TPRN: variants seen among roughly 807,000 people sequenced by gnomAD.
TPRN encodes the protein chromosome 9 open reading frame 75.
TPRN carries 32 observed loss-of-function variants against 42.6 expected under a neutral mutation model. That is an observed-to-expected ratio of 0.75 (90% confidence interval 0.57 to 1.01). TPRN has a LOEUF of 1.01. TPRN is among the 50% of genes least tolerant of loss of function. The pLI, the probability that TPRN is intolerant of heterozygous loss-of-function variation, is 0.00. For synonymous variants in TPRN, 541 were observed against 445.6 expected (o/e 1.21, Z -2.70); for missense variants, 1,095 against 957.5 (o/e 1.14, Z -1.90).
intron 1 of TPRN, among the ~76,000 whole-genome samples, chr9:137,197,766 T>C (rs905017212): frequency 6.6e-6 from 1 of 152,096 alleles, no homozygotes; most frequent in Non-Finnish European, 1.5e-5. Context: ...GCTGGGGTGA[T>C]GCTCGGGCGA....
Position 137,199,906 on chromosome 9 carries a change from C to T in TPRN, c.806G>A (p.Ser269Asn), listed in dbSNP as rs1178786931. 2 of 1,273,428 alleles carry T rather than the reference C, an allele frequency of 1.6e-6. No individual in the cohort carries two copies. The allele number at this position is 1,273,428 out of a possible 1,614,324, so 78.9% of individuals were successfully genotyped here. ...LHPPPSPGTP[S>N]ATPASPPASA... ...GGCAGGGGGTGAGGCTGGAGTGGCA[C>T]TCGGGGTCCCGGGGCTGGGGGGCGG... Residue 269 changes from serine to asparagine, a missense_variant, in exon 1 of 4, where the codon AGT (serine) becomes AAT (asparagine). Physicochemically the swap from Ser to Asn is conservative, Grantham distance 46 (BLOSUM62 1). Transcript: ENST00000409012.
chr9:137,198,294 C>T (rs1339836386), intron 1 of TPRN, among the ~76,000 whole-genome samples: 17 of 152,170 alleles, frequency 1.1e-4, no homozygotes, highest in Admixed American at 9.8e-4. Flanking sequence ...ATTTTTTTTC[C>T]TGTGCCCAGA....
rs1161347152 is a variant in TPRN, at chr9:137,192,282, C to G, written c.2050G>C (p.Glu684Gln). Residue 684 changes from glutamate (E) to glutamine (Q), a missense_variant, in exon 3 of 4, where the codon GAG becomes CAG. Physicochemically the swap from Glu to Gln is conservative, Grantham distance 29. Transcript: ENST00000409012. ...ACCATGGCCTCCACGGGCGGGGGCT[C>G]TGCCTCCCTCGGGGCCTGCTCCAGC... ...QALEQAPREA[E>Q]PPPVEAMLTP... 9 of 1,613,048 alleles carry G rather than the reference C, an allele frequency of 5.6e-6. No homozygotes were observed. The highest frequency in any genetic ancestry group is 7.6e-6 in the Non-Finnish European group (9 of 1,180,020).
Position 137,200,139 on chromosome 9 carries a change from G to A in TPRN, c.573C>T (p.Ala191=). The A allele has an allele frequency of 2.4e-6, 3 of 1,225,018 alleles. No homozygotes were observed. Among genetic ancestry groups the A allele is most frequent in the Non-Finnish European group, 3.0e-6 (3 of 984,478 alleles). The allele number at this position is 1,225,018 out of a possible 1,614,324, so 75.9% of individuals were successfully genotyped here. A position where few individuals can be genotyped will look rare whatever the true frequency, so the allele number is the denominator to read the frequency against. Residue 191 remains alanine (A), a synonymous_variant, in exon 1 of 4, where the codon GCC becomes GCT. Transcript: ENST00000409012. The surrounding 1 kb of genome is among the most constrained non-coding windows in gnomAD (Gnocchi z 4.3). The part of the protein sequence containing the change: ...GPRGGGASPG[A]RRSDFLQKTG... ...TCTTCTGGAGGAAGTCGCTGCGCCG[G>A]GCCCCGGGGCTCGCCCCGCCACCGC...
In TPRN at chr9:137,199,066, A is replaced by G. The variant is rs1174419704; in HGVS notation, c.1646T>C (p.Val549Ala). 12 of 1,613,288 alleles carry G rather than the reference A, an allele frequency of 7.4e-6. No homozygotes were observed. Among genetic ancestry groups the G allele is most frequent in the Non-Finnish European group, 1.0e-5 (12 of 1,179,996 alleles). The change falls in exon 1 of 4, where the codon GTG becomes GCG. Residue 549 changes from valine to alanine, a missense_variant. By Grantham distance (64) the Val-to-Ala change is moderately conservative. Coordinates refer to ENST00000409012, the MANE Select transcript of TPRN (RefSeq NM_001128228.3). The part of the protein sequence containing the change: ...GPTLKKRYPT[V>A]HEIEVIGGYL... ...GCCGCCAATCACCTCGATCTCATGC[A>G]CGGTGGGGTAGCGCTTCTTCAACGT...
chr9:137,196,130 C>T (rs1834700980), intron 1 of TPRN, among the ~76,000 whole-genome samples: 1 of 152,230 alleles, frequency 6.6e-6, no homozygotes, highest in Non-Finnish European at 1.5e-5. Context: ...CAGACAACTC[C>T]ACTGAAGAGC....
chr9:137,200,565 C>T lies in TPRN; in HGVS notation c.147G>A (p.Leu49=). Residue 49 remains leucine (L), a synonymous_variant, in exon 1 of 4, where the codon CTG becomes CTA. Coordinates refer to ENST00000409012, the MANE Select transcript of TPRN (RefSeq NM_001128228.3). The surrounding 1 kb of genome is among the most constrained non-coding windows in gnomAD (Gnocchi z 4.3). ...CGCGCAGCGGGCCCAGGCTCTCGGC[C>T]AGCACCCGCTGCTCGGGCTCCGCCG... ...PGAAEPEQRV[L]AESLGPLREN... 1 of 1,151,572 alleles carries T rather than the reference C, an allele frequency of 8.7e-7. No homozygotes were observed. Among genetic ancestry groups the T allele is most frequent in the Non-Finnish European group, 1.1e-6 (1 of 939,778 alleles). The allele number at this position is 1,151,572 out of a possible 1,614,324, so 71.3% of individuals were successfully genotyped here. A position where few individuals can be genotyped will look rare whatever the true frequency, so the allele number is the denominator to read the frequency against.
Position 137,196,385 on chromosome 9 carries a change from G to A in TPRN, c.1725+2602C>T, listed in dbSNP as rs535541734. ...GCGGATCATCTGAGGTCAGGAGTTC[G>A]AGACCAACCTGGCCAATATGGTAAA... is the stretch of plus-strand genomic sequence containing the variant. On this transcript the variant is annotated intron_variant, in intron 1 of 3. Coordinates refer to ENST00000409012, the MANE Select transcript of TPRN (RefSeq NM_001128228.3). Among the ~76,000 whole-genome samples the A allele has an allele frequency of 2.4e-3, 361 of 152,308 alleles. 2 individuals carry two copies. Among genetic ancestry groups the A allele is most frequent in the African/African-American group, 7.1e-3 (295 of 41,568 alleles).
chr9:137,200,626 T>C lies in TPRN; in HGVS notation c.86A>G (p.Lys29Arg), dbSNP rs1254933844. 4.2e-6 allele frequency: 5 copies of C among 1,184,084 alleles called. No individual in the cohort carries two copies. The highest frequency in any genetic ancestry group is 4.2e-6 in the Non-Finnish European group (4 of 956,492). The allele number at this position is 1,184,084 out of a possible 1,614,324, so 73.3% of individuals were successfully genotyped here. ...KREILERKRA[K>R]LAALGGGAGP... ...CGCGCCCCCGCCCAGCGCGGCTAGCTTGGCCCGCTTCCGCTCCAGGATCTC... is the reference window on the plus strand; with the variant it reads ...CGCGCCCCCGCCCAGCGCGGCTAGCCTGGCCCGCTTCCGCTCCAGGATCTC... The change falls in exon 1 of 4, where the codon AAG becomes AGG. Residue 29 changes from lysine (K) to arginine (R), a missense_variant. Physicochemically the swap from Lys to Arg is conservative, Grantham distance 26. Coordinates refer to ENST00000409012, the MANE Select transcript of TPRN (RefSeq NM_001128228.3). The surrounding 1 kb of genome is among the most constrained non-coding windows in gnomAD (Gnocchi z 4.3).
Position 137,200,609 on chromosome 9 carries a change from C to T in TPRN, c.103G>A (p.Gly35Arg), listed in dbSNP as rs1834795163. ...TCCGCCGCCCCGGGCCCCGCGCCCC[C>T]GCCCAGCGCGGCTAGCTTGGCCCGC... is the stretch of plus-strand genomic sequence containing the variant. ...RKRAKLAALG[G>R]GAGPGAAEPE... The change falls in exon 1 of 4, where the codon GGG becomes AGG. Residue 35 changes from glycine to arginine, a missense_variant. Physicochemically the swap from Gly to Arg is moderately radical, Grantham distance 125. Coordinates refer to ENST00000409012, the MANE Select transcript of TPRN (RefSeq NM_001128228.3). The surrounding 1 kb of genome is among the most constrained non-coding windows in gnomAD (Gnocchi z 4.3). The T allele has an allele frequency of 2.6e-6, 3 of 1,162,166 alleles. No homozygotes were observed. Among genetic ancestry groups the T allele is most frequent in the Non-Finnish European group, 3.2e-6 (3 of 946,236 alleles). 72.0% of individuals were successfully genotyped at this position (1,162,166 alleles called of 1,614,324 possible). A position where few individuals can be genotyped will look rare whatever the true frequency, so the allele number is the denominator to read the frequency against.
At position 137,192,451 on chromosome 9, in the gene TPRN, CTGAGCTACCCT is replaced by C. The variant is rs1270707690; in HGVS notation, c.1955_1965del (p.Glu652GlyfsTer44). On this transcript the variant is annotated frameshift_variant and splice_region_variant, in exon 2 of 4. Transcript: ENST00000409012. LOFTEE classifies it high-confidence loss of function. ...GCCTGTCCCCCAGGTGGGCACTCACCTGAGCTACCCTCTGGCAGCCGAGAGCTCTCGGGTCT... is the reference window on the plus strand; with the variant it reads ...GCCTGTCCCCCAGGTGGGCACTCACCCTGGCAGCCGAGAGCTCTCGGGTCT... 6.2e-7 allele frequency: 1 copy of C among 1,607,284 alleles called. No homozygotes were observed. Among genetic ancestry groups the C allele is most frequent in the African/African-American group, 1.3e-5 (1 of 74,862 alleles).
At position 137,200,156 on chromosome 9, in the gene TPRN, C is replaced by T; in HGVS notation, c.556G>A (p.Gly186Arg). 8.3e-7 allele frequency: 1 copy of T among 1,204,870 alleles called. No homozygotes were observed. The allele number at this position is 1,204,870 out of a possible 1,614,324, so 74.6% of individuals were successfully genotyped here. A position where few individuals can be genotyped will look rare whatever the true frequency, so the allele number is the denominator to read the frequency against. The change falls in exon 1 of 4, where the codon GGG becomes AGG. Residue 186 changes from glycine (G) to arginine (R), a missense_variant. Gly to Arg is a moderately radical substitution (Grantham distance 125). Coordinates refer to ENST00000409012, the MANE Select transcript of TPRN (RefSeq NM_001128228.3). This position sits in a 1 kb window ranked among gnomAD's most constrained non-coding sequence, Gnocchi z 4.3. ...CTGCGCCGGGCCCCGGGGCTCGCCC[C>T]GCCACCGCGGGGCCCGGGCGCGGCG... is the stretch of plus-strand genomic sequence containing the variant. The part of the protein sequence containing the change: ...PPAAPGPRGG[G>R]ASPGARRSDF...
At chr9:137,194,543 G>A (rs1234221360) in intron 1 of TPRN, 1 of 152,370 alleles carries the variant, frequency 6.6e-6, no homozygotes, top group Non-Finnish European at 1.5e-5. Context: ...TGGCTGCCAG[G>A]GCCGCGGGAT....
rs1423533687 is a variant in TPRN at position 137,200,468 on chromosome 9, G to A, written c.244C>T (p.Arg82Trp). ...GGAAGARLLE[R>W]YRRVPGVRAL... ...CGCACGCCAGGCACGCGGCGGTACC[G>A]CTCCAGCAGCCGCGCCCCCGCCGCG... Residue 82 changes from arginine to tryptophan, a missense_variant, in exon 1 of 4, where the codon CGG becomes TGG. Transcript: ENST00000409012. The surrounding 1 kb of genome is among the most constrained non-coding windows in gnomAD (Gnocchi z 4.3). 2 of 1,118,646 alleles carry A rather than the reference G, an allele frequency of 1.8e-6. No homozygotes were observed. The highest frequency in any genetic ancestry group is 1.1e-6 in the Non-Finnish European group (1 of 916,984). The allele number at this position is 1,118,646 out of a possible 1,614,324, so 69.3% of individuals were successfully genotyped here.
chr9:137,199,673 C>A lies in TPRN; in HGVS notation c.1039G>T (p.Gly347Trp), dbSNP rs1224489739. Residue 347 changes from glycine to tryptophan, a missense_variant, in exon 1 of 4, where the codon GGG (glycine) becomes TGG (tryptophan). Transcript: ENST00000409012. ...TTTGGCAGCTCCACGGACTGCCTCC[C>A]CTCAGGAGGAGGAGCCCCGGAGGCC... ...SKASGAPPPE[G>W]RQSVELPKGD... 2 of 1,598,686 alleles carry A rather than the reference C, an allele frequency of 1.3e-6. No homozygotes were observed. The highest frequency in any genetic ancestry group is 2.7e-5 in the African/African-American group (2 of 74,684).
chr9:137,195,709 A>AGAGGGGAG (rs1490457922), intron 1 of TPRN, among the ~76,000 whole-genome samples: 22 of 152,268 alleles, frequency 1.4e-4, no homozygotes, highest in African/African-American at 4.6e-4. Context: ...CAGAGAGCCA[A>AGAGGGGAG]GAGGGGAGGA....
chr9:137,200,221 G>C lies in TPRN; in HGVS notation c.491C>G (p.Pro164Arg). 1.1e-6 allele frequency: 1 copy of C among 898,142 alleles called. No homozygotes were observed. The highest frequency in any genetic ancestry group is 1.3e-6 in the Non-Finnish European group (1 of 755,422). 55.6% of individuals were successfully genotyped at this position (898,142 alleles called of 1,614,324 possible). Reference protein sequence around the residue: ...RARPPPPPPPPAPPRPPPAAP... With the variant: ...RARPPPPPPPRAPPRPPPAAP... Reference sequence around the variant, plus strand: ...CGCGGGCGGGGGCCGGGGCGGCGCGGGCGGCGGCGGCGGCGGCGGGGGGCG... The same window carrying C: ...CGCGGGCGGGGGCCGGGGCGGCGCGCGCGGCGGCGGCGGCGGCGGGGGGCG... Residue 164 changes from proline (P) to arginine (R), a missense_variant, in exon 1 of 4, where the codon CCC (proline) becomes CGC (arginine). By Grantham distance (103) the Pro-to-Arg change is moderately radical. Coordinates refer to ENST00000409012, the MANE Select transcript of TPRN (RefSeq NM_001128228.3). This position sits in a 1 kb window ranked among gnomAD's most constrained non-coding sequence, Gnocchi z 4.3.
At chr9:137,192,427 C>T (rs888447121) in intron 2 of TPRN, 24 bp downstream of exon 2, 12 of 1,609,224 alleles carry the variant, frequency 7.5e-6, no homozygotes, top group Admixed American at 1.7e-5. Context: ...TCCCAGGCTG[C>T]CTGTCCCCCA....
In TPRN at chr9:137,196,324, C is replaced by T. The variant is rs369040306; in HGVS notation, c.1725+2663G>A. ...AGGCTGGGGTCAGCACGGTGGCTCA[C>T]GCCTGTAATCCCAGCACTTTGGGAG... is the stretch of plus-strand genomic sequence containing the variant. On this transcript the variant is annotated intron_variant, in intron 1 of 3. Transcript: ENST00000409012. Among the ~76,000 whole-genome samples the T allele has an allele frequency of 7.0e-4, 107 of 152,222 alleles. 1 individual carries two copies. The highest frequency in any genetic ancestry group is 2.4e-3 in the African/African-American group (101 of 41,450).
Sources: gnomAD v4.1 joint callset for allele counts (sites outside exome capture counted in the v4.1 genomes callset) on GRCh38, gnomAD v4.1.1 for gene constraint, Gnocchi (gnomAD v3.1) non-coding constraint, MANE v1.5 for transcripts, NCBI Gene and HGNC (gene_info 2026-07-23, HGNC 2026-07-21) for gene names.